Variants in LHFPL6 observed in about 807,000 individuals in gnomAD.
LHFPL6 encodes LHFPL tetraspan subfamily member 6 protein.
A neutral mutation model predicts 20.6 loss-of-function variants in LHFPL6; 9 were observed. The observed-to-expected ratio is 0.44, with a 90% CI of 0.26 to 0.76. The LOEUF is 0.76. LHFPL6 is among the 30% of genes least tolerant of loss of function. The pLI, the probability that LHFPL6 is intolerant of heterozygous loss-of-function variation, is 0.20. For missense variants in LHFPL6, 218 were observed against 253.5 expected, an observed-to-expected ratio of 0.86 and a Z score of 0.95; for synonymous variants, 105 against 98.7, an observed-to-expected ratio of 1.06 and a Z score of -0.38.
rs573797320 is a variant in LHFPL6, at chr13:39,375,885, GT to G, written c.484+2542del. The stretch of plus-strand genomic sequence containing the variant: ...CTCATTTTATCTGTGGATGATGCCA[GT>G]TTTTTTTTTCTCATTAACCAATCTA... On this transcript the variant is annotated intron_variant, in intron 3 of 3. Transcript: ENST00000379589. 1.3e-3 allele frequency among the ~76,000 whole-genome samples: 196 copies of G among 149,238 alleles called. 2 individuals carry two copies. The highest frequency in any genetic ancestry group is 4.1e-3 in the African/African-American group (169 of 40,830).
At chr13:39,374,270 A>G (rs1870230800) in intron 3 of LHFPL6, among the ~76,000 whole-genome samples, 1 of 152,198 alleles carries the variant, frequency 6.6e-6, no homozygotes, top group African/African-American at 2.4e-5. Flanking sequence ...AGTAAATACA[A>G]AAACAGAAAA....
At chr13:39,535,892 C>G (rs1239424210) in intron 2 of LHFPL6, among the ~76,000 whole-genome samples, 3 of 152,094 alleles carry the variant, frequency 2.0e-5, no homozygotes, top group African/African-American at 7.2e-5. Flanking sequence ...TGGCAGAGAC[C>G]ATTAGCATTC....
chr13:39,534,934 C>G (rs1365415358), intron 2 of LHFPL6, among the ~76,000 whole-genome samples: 1 of 152,148 alleles, frequency 6.6e-6, no homozygotes, highest in Non-Finnish European at 1.5e-5. Flanking sequence ...AAAATTTGTT[C>G]CCTCACTGCT....
At chr13:39,497,388 G>A (rs1869137567) in intron 2 of LHFPL6, among the ~76,000 whole-genome samples, 1 of 152,194 alleles carries the variant, frequency 6.6e-6, no homozygotes, top group Non-Finnish European at 1.5e-5. Flanking sequence ...AATTAAGGGA[G>A]AGAAATGCAG....
At chr13:39,369,174 C>G (rs757678039) in intron 3 of LHFPL6, among the ~76,000 whole-genome samples, 1 of 151,248 alleles carries the variant, frequency 6.6e-6, no homozygotes. Flanking sequence ...GTTTTGTAAC[C>G]ATATCTCAAG....
intron 2 of LHFPL6, among the ~76,000 whole-genome samples, chr13:39,523,886 A>G (rs1373160846): frequency 6.6e-6 from 1 of 152,258 alleles, no homozygotes; most frequent in Admixed American, 6.5e-5. Flanking sequence ...GTTAAGAGCT[A>G]AAGAAAGATT....
chr13:39,539,102 A>G (rs1412239360), intron 2 of LHFPL6, among the ~76,000 whole-genome samples: 2 of 152,094 alleles, frequency 1.3e-5, no homozygotes, highest in African/African-American at 2.4e-5. Flanking sequence ...TAGTTTTCCC[A>G]CCCCTAATCG....
At position 39,430,326 on chromosome 13, in the gene LHFPL6, A is replaced by G. The variant is rs530547812; in HGVS notation, c.386-51800T>C. ...AGTAACTGACTGATGTAGGGGGTAT[A>G]AATTATGACAATTCTGCGAGGTTTT... On this transcript the variant is annotated intron_variant, in intron 2 of 3. Transcript: ENST00000379589. Among the ~76,000 whole-genome samples, 3 of 152,348 alleles carry G rather than the reference A, an allele frequency of 2.0e-5. No homozygotes were observed. The South Asian group carries it at 6.2e-4, about 32-fold the overall frequency.
At chr13:39,593,524 A>C (rs1217335651) in intron 2 of LHFPL6, among the ~76,000 whole-genome samples, 1 of 151,958 alleles carries the variant, frequency 6.6e-6, no homozygotes, top group Non-Finnish European at 1.5e-5. Context: ...AATATCGTGA[A>C]AATGGCCATA....
At chr13:39,366,065 C>T (rs982838811) in intron 3 of LHFPL6, among the ~76,000 whole-genome samples, 1 of 152,188 alleles carries the variant, frequency 6.6e-6, no homozygotes, top group Non-Finnish European at 1.5e-5. Flanking sequence ...GGGCTAGTGC[C>T]TGGCAAAGGA....
At chr13:39,368,288 A>AAC in intron 3 of LHFPL6, among the ~76,000 whole-genome samples, 1 of 150,266 alleles carries the variant, frequency 6.7e-6, no homozygotes, top group East Asian at 2.0e-4. Context: ...CGGTGGAGGA[A>AAC]AAAAAAAAAT....
At chr13:39,551,491 C>T (rs997587405) in intron 2 of LHFPL6, among the ~76,000 whole-genome samples, 1 of 152,194 alleles carries the variant, frequency 6.6e-6, no homozygotes, top group Non-Finnish European at 1.5e-5. Context: ...TTTTGGAGAA[C>T]ACATGCAAAA....
At chr13:39,498,542 A>G (rs1478904487) in intron 2 of LHFPL6, among the ~76,000 whole-genome samples, 1 of 152,256 alleles carries the variant, frequency 6.6e-6, no homozygotes, top group Non-Finnish European at 1.5e-5. Flanking sequence ...CAGGGAGAGA[A>G]GATCAGTAGA....
At position 39,417,753 on chromosome 13, in the gene LHFPL6, C is replaced by T. The variant is rs143241517; in HGVS notation, c.386-39227G>A. ...ACCCAGCCAGGCGGAGCTCCTGGGC[C>T]GGGGCAGGGGCGACTTTGTGGGCTG... is the stretch of plus-strand genomic sequence containing the variant. On this transcript the variant is annotated intron_variant, in intron 2 of 3. Transcript: ENST00000379589. Among the ~76,000 whole-genome samples, 228 of 150,362 alleles carry T rather than the reference C, an allele frequency of 1.5e-3. 2 individuals are homozygous for T. Among genetic ancestry groups the T allele is most frequent in the East Asian group, 9.9e-3 (49 of 4,948 alleles).
intron 2 of LHFPL6, among the ~76,000 whole-genome samples, chr13:39,572,021 A>G (rs1404836797): frequency 1.3e-5 from 2 of 152,198 alleles, no homozygotes; most frequent in Non-Finnish European, 2.9e-5. Context: ...TCCTGCATCA[A>G]TATGTCCAAG....
chr13:39,537,319 T>A (rs1870652110), intron 2 of LHFPL6, among the ~76,000 whole-genome samples: 1 of 152,148 alleles, frequency 6.6e-6, no homozygotes, highest in Non-Finnish European at 1.5e-5. Flanking sequence ...AAACACAAGT[T>A]TATGAACCAA....
At chr13:39,440,939 C>T (rs954259255) in intron 2 of LHFPL6, among the ~76,000 whole-genome samples, 7 of 152,096 alleles carry the variant, frequency 4.6e-5, no homozygotes, top group African/African-American at 1.2e-4. Context: ...TCTTGTCTAC[C>T]GCCATGTTAG....
rs561948072 is a variant in LHFPL6, at chr13:39,501,379, C to T, written c.385+99453G>A. Among the ~76,000 whole-genome samples, 11 of 152,280 alleles carry T rather than the reference C, an allele frequency of 7.2e-5. No homozygotes were observed. In the South Asian group the frequency reaches 1.9e-3, roughly 26 times the overall value. ...GTGTTTGAAATTATCTTTCTCTAAACAGCCCAGAATTTTTTTTTACATCAT... is the reference window on the plus strand; with the variant it reads ...GTGTTTGAAATTATCTTTCTCTAAATAGCCCAGAATTTTTTTTTACATCAT... On this transcript the variant is annotated intron_variant, in intron 2 of 3. Coordinates refer to ENST00000379589, the MANE Select transcript of LHFPL6 (RefSeq NM_005780.3).
At chr13:39,445,321 G>A (rs1245614447) in intron 2 of LHFPL6, among the ~76,000 whole-genome samples, 1 of 152,166 alleles carries the variant, frequency 6.6e-6, no homozygotes, top group African/African-American at 2.4e-5. Flanking sequence ...ACAATGGAAA[G>A]AACATGAATT....
Sources: gnomAD v4.1 joint callset for allele counts (sites outside exome capture counted in the v4.1 genomes callset) on GRCh38, gnomAD v4.1.1 for gene constraint, MANE v1.5 for transcripts, NCBI Gene and HGNC (gene_info 2026-07-23, HGNC 2026-07-21) for gene names.